ZNF670: variants seen among roughly 807,000 people sequenced by gnomAD.
The protein encoded by ZNF670 is zinc finger protein 670.
A neutral mutation model predicts 10.9 loss-of-function variants in ZNF670; 7 were observed. That is an observed-to-expected ratio of 0.64 (90% CI 0.36 to 1.20). The LOEUF is 1.20. Ranked by LOEUF, ZNF670 falls within the 50% of genes most tolerant of loss-of-function variation. The pLI is 0.02. For missense variants in ZNF670, 446 were observed against 458.6 expected (o/e 0.97, Z 0.25); for synonymous variants, 136 against 152.7 (o/e 0.89, Z 0.81).
At chr1:247,070,460 G>A (rs1265966496) in intron 1 of ZNF670, among the ~76,000 whole-genome samples, 2 of 152,030 alleles carry the variant, frequency 1.3e-5, no homozygotes, top group Admixed American at 6.5e-5. Context: ...GACAGAGTGA[G>A]ACTCCGTCTC....
chr1:247,072,898 T>A (rs1671172399), intron 1 of ZNF670, among the ~76,000 whole-genome samples: 1 of 146,204 alleles, frequency 6.8e-6, no homozygotes, highest in African/African-American at 2.5e-5. Context: ...ATTAATGGTG[T>A]ACTAATAGTA....
chr1:247,055,718 G>T (rs1670698608), intron 1 of ZNF670, among the ~76,000 whole-genome samples: 1 of 152,090 alleles, frequency 6.6e-6, no homozygotes. Flanking sequence ...ATCAAAAGAT[G>T]CTGAGTGCTT....
At position 247,069,445 on chromosome 1, in the gene ZNF670, A is replaced by G. The variant is rs186378581; in HGVS notation, c.3+9149T>C. On this transcript the variant is annotated intron_variant, in intron 1 of 3. Transcript: ENST00000366503. ...TGGAGAACAGTTTGAAGGTCTTTCA[A>G]AAAAAAACTAAAAAGAAACCTGCCA... Among the ~76,000 whole-genome samples, 424 of 151,138 alleles carry G rather than the reference A, an allele frequency of 2.8e-3. 12 individuals are homozygous for G. The East Asian group carries it at 0.065, about 23-fold the overall frequency.
chr1:247,069,969 T>G (rs911784052), intron 1 of ZNF670, among the ~76,000 whole-genome samples: 30 of 152,260 alleles, frequency 2.0e-4, no homozygotes, highest in African/African-American at 6.7e-4. Context: ...ATAATTTAAT[T>G]GTACACTTTA....
chr1:247,046,182 G>A (rs1213323175), intron 1 of ZNF670, among the ~76,000 whole-genome samples: 1 of 152,194 alleles, frequency 6.6e-6, no homozygotes, highest in East Asian at 1.9e-4. Flanking sequence ...TGGTAAAGAG[G>A]GAATCCAAGC....
chr1:247,043,828 A>C, intron 1 of ZNF670: 1 of 350,546 alleles, frequency 2.9e-6, no homozygotes, highest in Non-Finnish European at 5.5e-6. Flanking sequence ...CATAAGCCTC[A>C]TCTGCCATGA....
At chr1:247,069,696 A>G (rs1487906323) in intron 1 of ZNF670, among the ~76,000 whole-genome samples, 2 of 152,196 alleles carry the variant, frequency 1.3e-5, no homozygotes, top group Non-Finnish European at 1.5e-5. Context: ...CTGCAATAAC[A>G]TGGGTGGAAC....
chr1:247,064,523 T>C (rs748636831), intron 1 of ZNF670, among the ~76,000 whole-genome samples: 1 of 152,212 alleles, frequency 6.6e-6, no homozygotes, highest in Non-Finnish European at 1.5e-5. Context: ...GAAGCAGAAC[T>C]TCGTACTGCC....
intron 1 of ZNF670, among the ~76,000 whole-genome samples, chr1:247,064,985 T>C (rs1168213798): frequency 6.6e-6 from 1 of 152,010 alleles, no homozygotes; most frequent in Non-Finnish European, 1.5e-5. Context: ...ATTTTTGTAG[T>C]TTTTGTAGAG....
intron 1 of ZNF670, among the ~76,000 whole-genome samples, chr1:247,062,048 G>C (rs1670871214): frequency 6.6e-6 from 1 of 152,198 alleles, no homozygotes; most frequent in Non-Finnish European, 1.5e-5. Context: ...GTTGCCGATG[G>C]TTGTCCCGTA....
intron 3 of ZNF670, 145 bp from the exon 4 acceptor site, chr1:247,038,572 G>T: frequency 2.4e-6 from 2 of 829,350 alleles, no homozygotes; most frequent in Non-Finnish European, 3.7e-6. Context: ...GTCCCCCATA[G>T]CTATTATCAT....
At chr1:247,072,797 AGTGTGT>A (rs71573078) in intron 1 of ZNF670, among the ~76,000 whole-genome samples, 28,249 of 80,050 alleles carry the variant, frequency 0.35, 6,029 homozygotes, top group African/African-American at 0.47. Context: ...CAAAAAAAAA[AGTGTGT>A]GTATATATAT....
At chr1:247,042,110 T>C (rs897866510) in intron 1 of ZNF670, among the ~76,000 whole-genome samples, 2 of 152,228 alleles carry the variant, frequency 1.3e-5, no homozygotes, top group Non-Finnish European at 2.9e-5. Flanking sequence ...TATTTCTTAA[T>C]AGAAAACTTA....
At chr1:247,072,804 GTATA>G (rs74163726) in intron 1 of ZNF670, among the ~76,000 whole-genome samples, 1,974 of 47,558 alleles carry the variant, frequency 0.042, 85 homozygotes, top group African/African-American at 0.13. Context: ...AAAAGTGTGT[GTATA>G]TATATATATA....
At chr1:247,071,903 G>C (rs1024233899) in intron 1 of ZNF670, among the ~76,000 whole-genome samples, 14 of 149,884 alleles carry the variant, frequency 9.3e-5, no homozygotes, top group African/African-American at 3.4e-4. Flanking sequence ...TGTTGCCCAG[G>C]CTGGAGTGCA....
intron 1 of ZNF670, among the ~76,000 whole-genome samples, chr1:247,061,649 G>A (rs6426216): frequency 0.35 from 53,812 of 151,974 alleles, 10,986 homozygotes; most frequent in African/African-American, 0.55. Flanking sequence ...GCTCTTCCAC[G>A]TAGTTACAGC....
At chr1:247,074,378 C>T (rs534842041) in intron 1 of ZNF670, among the ~76,000 whole-genome samples, 1 of 152,058 alleles carries the variant, frequency 6.6e-6, no homozygotes, top group African/African-American at 2.4e-5. Flanking sequence ...GATCTAGAAT[C>T]CATCCGGCCC....
intron 1 of ZNF670, among the ~76,000 whole-genome samples, chr1:247,055,342 G>A (rs1670690660): frequency 6.6e-6 from 1 of 152,160 alleles, no homozygotes; most frequent in Admixed American, 6.5e-5. Flanking sequence ...AAGGTCCCAG[G>A]ACAAGCTCTC....
At chr1:247,074,364 C>T (rs1671204521) in intron 1 of ZNF670, among the ~76,000 whole-genome samples, 1 of 151,920 alleles carries the variant, frequency 6.6e-6, no homozygotes, top group Non-Finnish European at 1.5e-5. Flanking sequence ...GTGAAATGTT[C>T]TCTGATCTAG....
Sources: gnomAD v4.1 joint callset for allele counts (sites outside exome capture counted in the v4.1 genomes callset) on GRCh38, gnomAD v4.1.1 for gene constraint, MANE v1.5 for transcripts, NCBI Gene and HGNC (gene_info 2026-07-23, HGNC 2026-07-21) for gene names.